The following RNF114 variants were observed in gnomAD, a reference collection of about 807,000 sequenced individuals.
RNF114 encodes E3 ubiquitin-protein ligase RNF114.
RNF114 carries 6 observed loss-of-function variants against 28.4 expected under a neutral mutation model. That is an observed-to-expected ratio of 0.21 (90% CI 0.12 to 0.42). The LOEUF is 0.42. Ranked by LOEUF, RNF114 falls within the 10% of genes least tolerant of loss-of-function variation. The pLI is 1.00. For missense variants in RNF114, 249 were observed against 311.7 expected (o/e 0.80, Z 1.51); for synonymous variants, 115 against 116.7 (o/e 0.99, Z 0.09).
chr20:49,940,706 C>T (rs1207803467), intron 1 of RNF114, among the ~76,000 whole-genome samples: 6 of 151,926 alleles, frequency 3.9e-5, no homozygotes, highest in Non-Finnish European at 4.4e-5. Context: ...AGCCACCGCG[C>T]CTGGCTGAGC....
At chr20:49,943,078 C>T (rs1298091113) in intron 2 of RNF114, among the ~76,000 whole-genome samples, 1 of 151,854 alleles carries the variant, frequency 6.6e-6, no homozygotes. Context: ...TTTAACACTT[C>T]GGTATGGATG....
At chr20:49,946,397 T>C (rs886588334) in intron 4 of RNF114, 147 bp downstream of exon 4, 6 of 580,518 alleles carry the variant, frequency 1.0e-5, no homozygotes, top group Admixed American at 3.3e-5. Context: ...TGCTTAACCA[T>C]GCTCTATAGT....
chr20:49,950,955 G>T (rs922748029), intron 5 of RNF114, among the ~76,000 whole-genome samples: 1 of 152,080 alleles, frequency 6.6e-6, no homozygotes, highest in African/African-American at 2.4e-5. Context: ...AAATACTTCA[G>T]GTCAAATAGC....
chr20:49,950,237 C>G (rs1039512253), intron 5 of RNF114, among the ~76,000 whole-genome samples: 2 of 142,680 alleles, frequency 1.4e-5, no homozygotes, highest in Non-Finnish European at 3.1e-5. Flanking sequence ...GGCAACAGAG[C>G]AAGACTGTCT....
chr20:49,948,408 C>G (rs2090343037), intron 4 of RNF114, among the ~76,000 whole-genome samples: 1 of 151,228 alleles, frequency 6.6e-6, no homozygotes, highest in African/African-American at 2.4e-5. Flanking sequence ...CTCCGTGCTG[C>G]TGCCTCTCTT....
chr20:49,942,330 G>A (rs2090311016), intron 2 of RNF114, among the ~76,000 whole-genome samples: 1 of 152,156 alleles, frequency 6.6e-6, no homozygotes, highest in South Asian at 2.1e-4. Context: ...CCATGCTCTT[G>A]TATAATCAGA....
intron 4 of RNF114, among the ~76,000 whole-genome samples, chr20:49,948,424 G>A (rs2090343088): frequency 6.9e-6 from 1 of 145,026 alleles, no homozygotes. Context: ...CTCTTCTGGA[G>A]CACAATTTTT....
intron 4 of RNF114, among the ~76,000 whole-genome samples, chr20:49,947,092 C>T (rs566049694): frequency 7.1e-4 from 108 of 151,622 alleles, no homozygotes; most frequent in Non-Finnish European, 1.0e-3. Flanking sequence ...TGGTGGCGGG[C>T]GCCTTTAATC....
chr20:49,937,222 A>G (rs1369102255), intron 1 of RNF114, among the ~76,000 whole-genome samples: 2 of 152,238 alleles, frequency 1.3e-5, no homozygotes, highest in African/African-American at 4.8e-5. Flanking sequence ...TGTCCAGTCC[A>G]GGTCCTGGGC....
intron 1 of RNF114, 64 bp from the exon 2 acceptor site, chr20:49,941,497 G>C: frequency 2.0e-6 from 3 of 1,487,386 alleles, no homozygotes; most frequent in East Asian, 2.4e-5. Context: ...TTTAAAAGTT[G>C]ATCCATATTT....
intron 1 of RNF114, 121 bp downstream of exon 1, chr20:49,936,673 G>A: frequency 8.0e-7 from 1 of 1,249,928 alleles, no homozygotes; most frequent in Non-Finnish European, 1.1e-6. Flanking sequence ...TCCCGGGGGT[G>A]TCCCCCGGGG....
At chr20:49,941,525 A>C (rs761042784) in intron 1 of RNF114, 36 bp from the exon 2 acceptor site, 1 of 1,541,712 alleles carries the variant, frequency 6.5e-7, no homozygotes, top group Admixed American at 2.1e-5. Flanking sequence ...TGTCTCCATG[A>C]TGCGTGACAG....
chr20:49,947,979 A>G (rs953832525), intron 4 of RNF114, among the ~76,000 whole-genome samples: 1 of 150,644 alleles, frequency 6.6e-6, no homozygotes, highest in African/African-American at 2.4e-5. Context: ...TATGGTAGAG[A>G]CGGGGTTTCA....
Position 49,949,260 on chromosome 20 carries a change from T to A in RNF114, c.526T>A (p.Cys176Ser). The change falls in exon 5 of 6, where the codon TGT (cysteine) becomes AGT (serine). Residue 176 changes from cysteine (C) to serine (S), a missense_variant. By Grantham distance (112) the Cys-to-Ser change is moderately radical (BLOSUM62 -1). This residue lies in a region of RNF114 where 126 missense variants were observed against 205.3 expected (regional missense o/e 0.61). Transcript: ENST00000244061. Reference protein sequence around the residue: ...TDTKSVVCPICASMPWGDPNY... With the variant: ...TDTKSVVCPISASMPWGDPNY... ...TTTGTGTTGAAAGGTTTGTCCGATA[T>A]GTGCCTCGATGCCCTGGGGAGACCC... The A allele has an allele frequency of 6.2e-7, 1 of 1,614,128 alleles. No homozygotes were observed. The highest frequency in any genetic ancestry group is 8.5e-7 in the Non-Finnish European group (1 of 1,179,962).
Position 49,940,075 on chromosome 20 carries a change from A to G in RNF114, c.141-1486A>G, listed in dbSNP as rs1464285901. On this transcript the variant is annotated intron_variant, in intron 1 of 5. Transcript: ENST00000244061. ...TCTCAAAAAAAAAAAAAAAAAAAAAAGTAACAAAACTTTGTTTTCCATGAT... is the reference window on the plus strand; with the variant it reads ...TCTCAAAAAAAAAAAAAAAAAAAAAGGTAACAAAACTTTGTTTTCCATGAT... 1.3e-5 allele frequency among the ~76,000 whole-genome samples: 2 copies of G among 150,274 alleles called. 1 individual carries two copies. The highest frequency in any genetic ancestry group is 4.9e-5 in the African/African-American group (2 of 41,098).
Position 49,936,540 on chromosome 20 carries a change from C to A in RNF114, c.128C>A (p.Pro43His). 1 of 1,587,870 alleles carries A rather than the reference C, an allele frequency of 6.3e-7. No homozygotes were observed. ...GTGTACGAGAAGCCGGTACAGGTGC[C>A]CTGCGGACACGTGTAAGCGGCGAGC... is the stretch of plus-strand genomic sequence containing the variant. ...LEVYEKPVQV[P>H]CGHVFCSACL... Residue 43 changes from proline (P) to histidine (H), a missense_variant, in exon 1 of 6, where the codon CCC (proline) becomes CAC (histidine). This residue lies in a region of RNF114 where 123 missense variants were observed against 106.4 expected (regional missense o/e 1.16). Transcript: ENST00000244061.
Position 49,952,414 on chromosome 20 carries a change from C to A in RNF114, c.*273C>A, listed in dbSNP as rs544934250. 3.8e-6 allele frequency: 2 copies of A among 521,714 alleles called. No individual in the cohort carries two copies. Among genetic ancestry groups the A allele is most frequent in the East Asian group, 5.8e-5 (2 of 34,384 alleles). The allele number at this position is 521,714 out of a possible 1,614,324, so 32.3% of individuals were successfully genotyped here. A position where few individuals can be genotyped will look rare whatever the true frequency, so the allele number is the denominator to read the frequency against. On this transcript the variant is annotated 3_prime_UTR_variant, in exon 6 of 6. Coordinates refer to ENST00000244061, the MANE Select transcript of RNF114 (RefSeq NM_018683.4). ...CTCGGCTACTTCCTGGAGCTTCTGC[C>A]GCCTCCTGTGGAAGATAATCTAGCT...
At chr20:49,944,433 T>G (rs2090320687) in intron 2 of RNF114, 1 of 152,260 alleles carries the variant, frequency 6.6e-6, no homozygotes, top group Admixed American at 6.5e-5. Flanking sequence ...GTGATTGTAC[T>G]GTTGGCATGC....
chr20:49,936,469 G>C lies in RNF114; in HGVS notation c.57G>C (p.Ala19=), dbSNP rs1314501798. 12 of 1,551,596 alleles carry C rather than the reference G, an allele frequency of 7.7e-6. No individual in the cohort carries two copies. The Admixed American group carries it at 2.4e-4, about 30-fold the overall frequency. Residue 19 remains alanine (A), a synonymous_variant, in exon 1 of 6, where the codon GCG becomes GCC. Coordinates refer to ENST00000244061, the MANE Select transcript of RNF114 (RefSeq NM_018683.4). The part of the protein sequence containing the change: ...GGAAQLAGPA[A]EADPLGRFTC... ...CTGCGCAGCTGGCGGGGCCGGCGGCGGAGGCTGACCCCCTAGGACGCTTCA... is the reference window on the plus strand; with the variant it reads ...CTGCGCAGCTGGCGGGGCCGGCGGCCGAGGCTGACCCCCTAGGACGCTTCA...
Sources: allele counts gnomAD v4.1 joint callset (sites outside exome capture counted in the v4.1 genomes callset), GRCh38; gene constraint gnomAD v4.1.1; regional missense constraint gnomAD v4.1.1; transcripts MANE v1.5; gene names NCBI Gene and HGNC (gene_info 2026-07-23, HGNC 2026-07-21).